The following EXOC6B variants were observed in gnomAD, a reference collection of about 807,000 sequenced individuals.
EXOC6B encodes the protein SEC15 homolog B.
Under a neutral mutation model 113.5 loss-of-function variants are expected in EXOC6B, and 54 were observed. That is an observed-to-expected ratio of 0.48 (90% CI 0.38 to 0.60). The LOEUF (loss-of-function observed/expected upper bound fraction) is 0.60. EXOC6B is among the 20% of genes least tolerant of loss of function. The pLI, the probability that EXOC6B is intolerant of heterozygous loss-of-function variation, is 0.00. For missense variants in EXOC6B, 797 were observed against 977.5 expected, an observed-to-expected ratio of 0.82 and a Z score of 2.46; for synonymous variants, 357 against 339.0, an observed-to-expected ratio of 1.05 and a Z score of -0.58.
At chr2:72,559,695 A>C (rs565114558) in intron 7 of EXOC6B, among the ~76,000 whole-genome samples, 174 bp from the exon 8 acceptor site, 2 of 152,220 alleles carry the variant, frequency 1.3e-5, no homozygotes, top group Non-Finnish European at 1.5e-5. Flanking sequence ...CTTATGTTTT[A>C]GCCATAGAAT....
chr2:72,397,631 A>T (rs1488437967), intron 18 of EXOC6B, among the ~76,000 whole-genome samples: 9 of 115,166 alleles, frequency 7.8e-5, no homozygotes, highest in African/African-American at 1.9e-4. Context: ...AAAAAAAAAT[A>T]AAATAAAATA....
chr2:72,369,609 C>G (rs1485951856), intron 19 of EXOC6B, among the ~76,000 whole-genome samples: 1 of 152,146 alleles, frequency 6.6e-6, no homozygotes, highest in African/African-American at 2.4e-5. Flanking sequence ...TGACTTCAAA[C>G]CATACTACAA....
intron 6 of EXOC6B, among the ~76,000 whole-genome samples, chr2:72,695,353 G>C (rs1257325954): frequency 1.3e-5 from 2 of 152,176 alleles, no homozygotes; most frequent in Non-Finnish European, 2.9e-5. Context: ...CGTACATCAG[G>C]AAACTGCAAC....
At chr2:72,401,494 C>CACATATAT (rs1693156952) in intron 18 of EXOC6B, among the ~76,000 whole-genome samples, 1 of 59,644 alleles carries the variant, frequency 1.7e-5, no homozygotes, top group Non-Finnish European at 2.9e-5. Context: ...ATTTTATATA[C>CACATATAT]ATATATATAT....
chr2:72,192,647 T>C (rs1226680241), intron 20 of EXOC6B, among the ~76,000 whole-genome samples: 2 of 152,090 alleles, frequency 1.3e-5, no homozygotes, highest in East Asian at 3.9e-4. Flanking sequence ...TAGTATGAGC[T>C]AAGGTAGGCA....
intron 14 of EXOC6B, 55 bp downstream of exon 14, chr2:72,496,399 G>C (rs1700034693): frequency 1.9e-6 from 2 of 1,054,976 alleles, no homozygotes; most frequent in African/African-American, 3.2e-5. Flanking sequence ...TCCAATGAAA[G>C]CTTTTAAGAG....
intron 11 of EXOC6B, among the ~76,000 whole-genome samples, chr2:72,504,253 G>T (rs911354927): frequency 1.3e-5 from 2 of 152,022 alleles, no homozygotes; most frequent in African/African-American, 4.8e-5. Context: ...ATTTAGAACA[G>T]CAGTCCTTTA....
intron 6 of EXOC6B, among the ~76,000 whole-genome samples, chr2:72,701,286 G>C (rs1678321968): frequency 6.7e-6 from 1 of 148,744 alleles, no homozygotes; most frequent in Non-Finnish European, 1.5e-5. Flanking sequence ...AGGATGCAGT[G>C]AGCCGAGATC....
intron 20 of EXOC6B, among the ~76,000 whole-genome samples, chr2:72,260,838 T>C (rs1305896546): frequency 6.6e-6 from 1 of 152,196 alleles, no homozygotes; most frequent in Non-Finnish European, 1.5e-5. Flanking sequence ...TATCTGGTGA[T>C]AATCTACAGA....
In EXOC6B at chr2:72,179,206, C is replaced by T. The variant is rs544587440; in HGVS notation, c.*129G>A. 38 of 1,045,064 alleles carry T rather than the reference C, an allele frequency of 3.6e-5. 1 individual carries two copies. The East Asian group carries it at 9.8e-4, about 27-fold the overall frequency. The allele number at this position is 1,045,064 out of a possible 1,614,324, so 64.7% of individuals were successfully genotyped here. A position where few individuals can be genotyped will look rare whatever the true frequency, so the allele number is the denominator to read the frequency against. Reference sequence around the variant, plus strand: ...AGGGAAATGTTATGTGAATACTGCACAGGGGTTAATAAAAAAATACATATG... The same window carrying T: ...AGGGAAATGTTATGTGAATACTGCATAGGGGTTAATAAAAAAATACATATG... On this transcript the variant is annotated 3_prime_UTR_variant, in exon 22 of 22. Coordinates refer to ENST00000272427, the MANE Select transcript of EXOC6B (RefSeq NM_015189.3).
At chr2:72,753,520 ACT>A (rs1308200958) in intron 1 of EXOC6B, among the ~76,000 whole-genome samples, 5 of 152,086 alleles carry the variant, frequency 3.3e-5, no homozygotes, top group Non-Finnish European at 7.4e-5. Context: ...TCTTCTGAAC[ACT>A]GTTTTTATCA....
chr2:72,687,659 A>C (rs995443102), intron 6 of EXOC6B, among the ~76,000 whole-genome samples: 13 of 152,164 alleles, frequency 8.5e-5, no homozygotes, highest in Non-Finnish European at 1.6e-4. Context: ...GCAGAAAATG[A>C]AGCTTAAAGG....
At chr2:72,775,995 C>A (rs1325244917) in intron 1 of EXOC6B, among the ~76,000 whole-genome samples, 1 of 152,052 alleles carries the variant, frequency 6.6e-6, no homozygotes. Context: ...CAAGATGTTA[C>A]TGAGGGGAAT....
chr2:72,447,613 T>C (rs1696665340), intron 18 of EXOC6B, among the ~76,000 whole-genome samples: 1 of 152,184 alleles, frequency 6.6e-6, no homozygotes. Flanking sequence ...TGGACCACCA[T>C]GGTGCTAATT....
intron 20 of EXOC6B, among the ~76,000 whole-genome samples, chr2:72,246,713 A>T (rs1682688746): frequency 6.6e-6 from 1 of 152,006 alleles, no homozygotes; most frequent in Non-Finnish European, 1.5e-5. Context: ...CCTGGACTCA[A>T]GTAATCCTCC....
chr2:72,622,326 T>C (rs1267680024), intron 6 of EXOC6B, among the ~76,000 whole-genome samples: 1 of 151,586 alleles, frequency 6.6e-6, no homozygotes, highest in Non-Finnish European at 1.5e-5. Context: ...CTACTCAAAA[T>C]TTAGAATATA....
chr2:72,644,575 C>T lies in EXOC6B; in HGVS notation c.670-68907G>A, dbSNP rs369761642. ...TACCCACAAAGGGAAGCCCATCAGA[C>T]TAACAACGGATCTCTCGACAGAAAC... On this transcript the variant is annotated intron_variant, in intron 6 of 21. Transcript: ENST00000272427. 6.6e-5 allele frequency among the ~76,000 whole-genome samples: 10 copies of T among 152,186 alleles called. No homozygotes were observed. The East Asian group carries it at 1.3e-3, about 21-fold the overall frequency.
intron 6 of EXOC6B, among the ~76,000 whole-genome samples, chr2:72,672,173 C>G (rs1449134649): frequency 6.9e-6 from 1 of 144,604 alleles, no homozygotes; most frequent in Non-Finnish European, 1.5e-5. Context: ...ACCATATGAG[C>G]CAGCAATTCG....
chr2:72,599,234 G>A (rs1037035805), intron 6 of EXOC6B, among the ~76,000 whole-genome samples: 14 of 152,092 alleles, frequency 9.2e-5, no homozygotes, highest in African/African-American at 3.4e-4. Flanking sequence ...TTATAGGTGT[G>A]TAAGGCTGGT....
Sources: allele counts gnomAD v4.1 joint callset (sites outside exome capture counted in the v4.1 genomes callset), GRCh38; gene constraint gnomAD v4.1.1; transcripts MANE v1.5; gene names NCBI Gene and HGNC (gene_info 2026-07-23, HGNC 2026-07-21).